Variants in VAC14 observed in about 807,000 individuals in gnomAD.
The protein encoded by VAC14 is VAC14 component of PIKFYVE complex, also known as protein VAC14 homolog.
VAC14 carries 47 observed loss-of-function variants against 85.3 expected under a neutral mutation model. The ratio of observed to expected loss-of-function variants is 0.55; its 90% CI spans 0.44 to 0.70. VAC14 has a LOEUF of 0.70. Ranked by LOEUF, VAC14 falls within the 30% of genes least tolerant of loss-of-function variation. The pLI, the probability that VAC14 is intolerant of heterozygous loss-of-function variation, is 0.00. For missense variants in VAC14, 861 were observed against 1,004.3 expected (o/e 0.86, Z 1.93); for synonymous variants, 447 against 430.5 (o/e 1.04, Z -0.47).
At chr16:70,784,368 G>A (rs1347758389) in intron 4 of VAC14, 148 bp from the exon 5 acceptor site, 5 of 642,922 alleles carry the variant, frequency 7.8e-6, no homozygotes, top group Non-Finnish European at 1.4e-5. Flanking sequence ...GGTCTCTGGA[G>A]TATTCATCCT....
intron 18 of VAC14, chr16:70,691,527 G>A (rs1465857279): frequency 3.0e-6 from 3 of 985,454 alleles, no homozygotes; most frequent in African/African-American, 1.7e-5. Flanking sequence ...ATGCGCCCCC[G>A]CTCCATGGCT....
chr16:70,727,657 G>C (rs2054468853), intron 14 of VAC14, among the ~76,000 whole-genome samples: 1 of 152,214 alleles, frequency 6.6e-6, no homozygotes, highest in African/African-American at 2.4e-5. Context: ...CCTCTTTAAA[G>C]TCATCGCAGG....
At chr16:70,695,487 C>G in intron 17 of VAC14, 57 bp downstream of exon 17, 1 of 1,567,246 alleles carries the variant, frequency 6.4e-7, no homozygotes, top group African/African-American at 1.3e-5. Flanking sequence ...TTCACCCACC[C>G]CACTCCAGGG....
intron 9 of VAC14, chr16:70,772,377 A>G (rs1388668028): frequency 1.3e-5 from 7 of 550,638 alleles, no homozygotes; most frequent in Non-Finnish European, 1.9e-5. Context: ...GTCTGTAGTC[A>G]CAGTGATCTC....
At chr16:70,708,438 CT>C (rs2053964015) in intron 14 of VAC14, among the ~76,000 whole-genome samples, 1 of 152,046 alleles carries the variant, frequency 6.6e-6, no homozygotes, top group Non-Finnish European at 1.5e-5. Context: ...GGCCAAGGGG[CT>C]TCAGAGTCAG....
At chr16:70,781,581 CCCAGCCCAAGGT>C (rs1358833884) in intron 8 of VAC14, among the ~76,000 whole-genome samples, 5 of 152,114 alleles carry the variant, frequency 3.3e-5, no homozygotes, top group African/African-American at 1.2e-4. Context: ...ACAGGATCTC[CCCAGCCCAAGGT>C]GGGGCAGTAT....
At chr16:70,707,628 C>T (rs1244582026) in intron 14 of VAC14, among the ~76,000 whole-genome samples, 1 of 152,130 alleles carries the variant, frequency 6.6e-6, no homozygotes, top group African/African-American at 2.4e-5. Context: ...CCAGGATTAG[C>T]AGGTCCCTCA....
chr16:70,689,049 A>G (rs1370456414), intron 18 of VAC14: 2 of 985,106 alleles, frequency 2.0e-6, no homozygotes, highest in African/African-American at 3.5e-5. Context: ...GTTTATGAAA[A>G]GATGCCAATC....
chr16:70,800,157 T>TA (rs2034712621), intron 1 of VAC14, among the ~76,000 whole-genome samples: 1 of 152,228 alleles, frequency 6.6e-6, no homozygotes, highest in Non-Finnish European at 1.5e-5. Context: ...CATCCCCAGT[T>TA]AAACTTTCGC....
At chr16:70,788,424 C>T (rs965069165) in intron 1 of VAC14, among the ~76,000 whole-genome samples, 10 of 152,324 alleles carry the variant, frequency 6.6e-5, no homozygotes, top group African/African-American at 1.7e-4. Context: ...GTACAAGTGG[C>T]CTGTGAGTTG....
At chr16:70,755,568 C>A (rs1424045468) in intron 12 of VAC14, among the ~76,000 whole-genome samples, 3 of 152,238 alleles carry the variant, frequency 2.0e-5, no homozygotes, top group Non-Finnish European at 2.9e-5. Context: ...TAACTAAGAT[C>A]ACTCCTGGAC....
Position 70,784,189 on chromosome 16 carries a change from A to G in VAC14, c.518T>C (p.Leu173Pro). The G allele has an allele frequency of 1.2e-6, 2 of 1,614,192 alleles. No individual in the cohort carries two copies. Among genetic ancestry groups the G allele is most frequent in the Non-Finnish European group, 1.7e-6 (2 of 1,180,032 alleles). ...DIVTESNKFD[L>P]VSFIPLLRER... is the part of the protein sequence containing the mutation. ...TCGCAACAAGGGGATGAAGCTCACC[A>G]GGTCAAACTTGTTGCTCTCAGTCAC... Residue 173 changes from leucine to proline, a missense_variant, in exon 5 of 19, where the codon CTG (leucine) becomes CCG (proline). By Grantham distance (98) the Leu-to-Pro change is moderately conservative. Transcript: ENST00000261776.
At chr16:70,766,904 AC>A (rs2032859494) in intron 10 of VAC14, among the ~76,000 whole-genome samples, 1 of 152,166 alleles carries the variant, frequency 6.6e-6, no homozygotes, top group African/African-American at 2.4e-5. Flanking sequence ...TAGAGGGCAC[AC>A]TGCATGATGT....
At chr16:70,758,322 C>T (rs1442648702) in intron 12 of VAC14, among the ~76,000 whole-genome samples, 3 of 152,154 alleles carry the variant, frequency 2.0e-5, no homozygotes, top group Admixed American at 6.5e-5. Context: ...CATCATTATC[C>T]CCTTTTCACA....
At chr16:70,689,076 G>A in intron 18 of VAC14, 1 of 985,544 alleles carries the variant, frequency 1.0e-6, no homozygotes, top group Admixed American at 6.1e-5. Context: ...GCCGGGAAGG[G>A]GGGTGCAGGC....
intron 14 of VAC14, among the ~76,000 whole-genome samples, chr16:70,707,171 C>A (rs1480974855): frequency 1.3e-5 from 2 of 152,272 alleles, no homozygotes; most frequent in African/African-American, 4.8e-5. Context: ...TTCCAACTCT[C>A]TGCTTCCAAG....
chr16:70,731,320 A>G, intron 14 of VAC14, 175 bp downstream of exon 14: 1 of 1,453,816 alleles, frequency 6.9e-7, no homozygotes, highest in Non-Finnish European at 9.0e-7. Context: ...TCATGTCAGA[A>G]GCATCAGCAA....
intron 14 of VAC14, among the ~76,000 whole-genome samples, chr16:70,718,399 C>T (rs954454996): frequency 2.6e-5 from 4 of 151,938 alleles, no homozygotes; most frequent in Non-Finnish European, 4.4e-5. Flanking sequence ...GGTGAAACCC[C>T]GTCTCTACTA....
Position 70,731,479 on chromosome 16 carries a change from C to A in VAC14, c.1661+16G>T. 1 of 1,607,830 alleles carries A rather than the reference C, an allele frequency of 6.2e-7. No individual in the cohort carries two copies. Among genetic ancestry groups the A allele is most frequent in the Non-Finnish European group, 8.5e-7 (1 of 1,177,154 alleles). On this transcript the variant is annotated intron_variant, in intron 14 of 18. Coordinates refer to ENST00000261776, the MANE Select transcript of VAC14 (RefSeq NM_018052.5). ...GCCGTGGGAGGAAGAGGAGAAAGCG[C>A]GCCGCCAAGGCTGACCTGATGATGA...
Sources: gnomAD v4.1 joint callset for allele counts (sites outside exome capture counted in the v4.1 genomes callset) on GRCh38, gnomAD v4.1.1 for gene constraint, MANE v1.5 for transcripts, NCBI Gene and HGNC (gene_info 2026-07-23, HGNC 2026-07-21) for gene names.